MORN5: variants seen among roughly 807,000 people sequenced by gnomAD.
MORN5 encodes the protein MORN repeat containing 5.
A neutral mutation model predicts 22.1 loss-of-function variants in MORN5; 21 were observed. The ratio of observed to expected loss-of-function variants is 0.95; its 90% CI spans 0.67 to 1.37. MORN5 has a LOEUF of 1.37. Ranked by LOEUF, MORN5 falls within the 40% of genes most tolerant of loss-of-function variation. The pLI is 0.00. For synonymous variants in MORN5, 73 were observed against 74.0 expected, an observed-to-expected ratio of 0.99 and a Z score of 0.07; for missense variants, 211 against 215.1, an observed-to-expected ratio of 0.98 and a Z score of 0.12.
chr9:122,199,654 C>A (rs761821215), intron 4 of MORN5, among the ~76,000 whole-genome samples: 2 of 152,130 alleles, frequency 1.3e-5, no homozygotes, highest in Non-Finnish European at 2.9e-5. Flanking sequence ...CTCATGCTTG[C>A]CTCCGCCAGC....
intron 3 of MORN5, among the ~76,000 whole-genome samples, chr9:122,170,016 C>T (rs78260737): frequency 0.017 from 2,644 of 152,280 alleles, 49 homozygotes; most frequent in Non-Finnish European, 0.022. Context: ...TGGAGTCAAT[C>T]AGCTGGGCGT....
At chr9:122,174,942 G>A in intron 4 of MORN5, 1 of 910,406 alleles carries the variant, frequency 1.1e-6, no homozygotes. Flanking sequence ...GCTAGACACT[G>A]TGCTTGGTGT....
intron 4 of MORN5, among the ~76,000 whole-genome samples, 179 bp from the exon 5 acceptor site, chr9:122,199,706 A>G (rs1829970385): frequency 6.6e-6 from 1 of 152,150 alleles, no homozygotes; most frequent in Admixed American, 6.5e-5. Flanking sequence ...AATTTCCCCA[A>G]GACCAGCCAC....
chr9:122,168,798 A>G (rs1379480786), intron 2 of MORN5, among the ~76,000 whole-genome samples: 2 of 152,160 alleles, frequency 1.3e-5, no homozygotes, highest in Non-Finnish European at 2.9e-5. Flanking sequence ...CTTCAGAGAC[A>G]CAAAACCAAT....
intron 4 of MORN5, among the ~76,000 whole-genome samples, chr9:122,196,530 A>T (rs954210760): frequency 2.0e-5 from 3 of 151,736 alleles, no homozygotes; most frequent in Non-Finnish European, 2.9e-5. Context: ...ACAGGGTTTC[A>T]CCATGTTGGC....
intron 4 of MORN5, among the ~76,000 whole-genome samples, chr9:122,191,947 C>T (rs73553325): frequency 0.11 from 16,866 of 152,286 alleles, 1,731 homozygotes; most frequent in African/African-American, 0.28. Flanking sequence ...CCCTTACAGG[C>T]ATCCATTTTG....
intron 4 of MORN5, among the ~76,000 whole-genome samples, chr9:122,189,591 CT>C (rs1175151075): frequency 6.6e-6 from 1 of 152,036 alleles, no homozygotes; most frequent in Admixed American, 6.5e-5. Flanking sequence ...ATGAGACCCC[CT>C]GTCTATAAAA....
At chr9:122,194,413 A>G (rs1829839993) in intron 4 of MORN5, among the ~76,000 whole-genome samples, 1 of 152,188 alleles carries the variant, frequency 6.6e-6, no homozygotes, top group Non-Finnish European at 1.5e-5. Context: ...ACAAATACAT[A>G]TGCAGGGAGT....
intron 4 of MORN5, among the ~76,000 whole-genome samples, chr9:122,187,396 C>G (rs969103649): frequency 1.3e-5 from 2 of 152,198 alleles, no homozygotes; most frequent in Non-Finnish European, 2.9e-5. Flanking sequence ...CCCCATCATC[C>G]TCATCGTTTC....
chr9:122,176,357 C>CA (rs572074666), intron 4 of MORN5, among the ~76,000 whole-genome samples: 27 of 152,256 alleles, frequency 1.8e-4, no homozygotes, highest in African/African-American at 5.3e-4. Context: ...GTTTCTTGGT[C>CA]AAATAAAATA....
intron 1 of MORN5, among the ~76,000 whole-genome samples, chr9:122,166,245 G>T (rs1385565491): frequency 2.0e-5 from 3 of 151,278 alleles, no homozygotes; most frequent in African/African-American, 7.4e-5. Context: ...TGAGATTTGG[G>T]TGGGGACACA....
chr9:122,198,006 AG>A (rs1290717746), intron 4 of MORN5, among the ~76,000 whole-genome samples: 2 of 152,194 alleles, frequency 1.3e-5, no homozygotes, highest in Non-Finnish European at 2.9e-5. Context: ...AATGGTGGGC[AG>A]GTGGTTAGTG....
intron 4 of MORN5, among the ~76,000 whole-genome samples, chr9:122,178,214 T>A (rs1314677336): frequency 6.6e-6 from 1 of 151,806 alleles, no homozygotes; most frequent in Non-Finnish European, 1.5e-5. Context: ...ACAGACCGAG[T>A]GCAGTTGCTC....
intron 2 of MORN5, among the ~76,000 whole-genome samples, chr9:122,168,450 GCATCTTGGGGC>G: frequency 6.6e-6 from 1 of 152,284 alleles, no homozygotes; most frequent in African/African-American, 2.4e-5. Context: ...TTCACTAAGA[GCATCTTGGGGC>G]CTGACTCATG....
intron 4 of MORN5, among the ~76,000 whole-genome samples, chr9:122,176,311 G>A (rs867013805): frequency 1.3e-4 from 20 of 152,166 alleles, no homozygotes; most frequent in South Asian, 2.1e-4. Flanking sequence ...TATGTAGCAC[G>A]CTAACTCTGC....
At chr9:122,198,823 C>T (rs1829951265) in intron 4 of MORN5, among the ~76,000 whole-genome samples, 1 of 152,184 alleles carries the variant, frequency 6.6e-6, no homozygotes, top group Non-Finnish European at 1.5e-5. Flanking sequence ...AAGCAAAGAG[C>T]TGGATGTACA....
chr9:122,182,679 A>G (rs1040625961), intron 4 of MORN5, among the ~76,000 whole-genome samples: 3 of 152,220 alleles, frequency 2.0e-5, no homozygotes, highest in Non-Finnish European at 4.4e-5. Context: ...TGAACCTGGG[A>G]GGCAGAGGCT....
intron 4 of MORN5, among the ~76,000 whole-genome samples, chr9:122,199,453 A>G (rs1325279786): frequency 6.6e-6 from 1 of 152,174 alleles, no homozygotes; most frequent in African/African-American, 2.4e-5. Context: ...TGGGTTCTTG[A>G]AAGGGTCAAG....
rs189749221 is a variant in MORN5 at position 122,166,934 on chromosome 9, G to A, written c.195+19G>A. The A allele has an allele frequency of 6.2e-4, 998 of 1,606,760 alleles. 5 individuals carry two copies. In the Middle Eastern group the frequency reaches 7.6e-3, roughly 12 times the overall value. On this transcript the variant is annotated intron_variant, in intron 2 of 4. Coordinates refer to ENST00000373764, the MANE Select transcript of MORN5 (RefSeq NM_198469.4). ...CATAAAGGTGATCAGCTGGGGGGAC[G>A]GATGCTGTGGAGGAGAGATCCTCAC... is the stretch of plus-strand genomic sequence containing the variant.
Sources: gnomAD v4.1 joint callset for allele counts (sites outside exome capture counted in the v4.1 genomes callset) on GRCh38, gnomAD v4.1.1 for gene constraint, MANE v1.5 for transcripts, NCBI Gene and HGNC (gene_info 2026-07-23, HGNC 2026-07-21) for gene names.